The following CPA4 variants were observed in gnomAD, a reference collection of about 807,000 sequenced individuals.
The protein encoded by CPA4 is carboxypeptidase A4.
Under a neutral mutation model 54.7 loss-of-function variants are expected in CPA4, and 49 were observed. The observed-to-expected ratio is 0.90, with a 90% CI of 0.71 to 1.14. The LOEUF (loss-of-function observed/expected upper bound fraction) is 1.14. Among genes scored for constraint, CPA4 ranks in the 50% most tolerant of loss-of-function variants. CPA4 has a pLI of 0.00. For missense variants in CPA4, 487 were observed against 525.1 expected (o/e 0.93, Z 0.71); for synonymous variants, 215 against 206.8 (o/e 1.04, Z -0.34).
chr7:130,312,000 A>T lies in CPA4; in HGVS notation c.994-38A>T. ...CAGCTGAGGAAGGTCAAGCTTCAGG[A>T]TCGATTTTTTCTCACTCCACGGATT... is the stretch of plus-strand genomic sequence containing the variant. On this transcript the variant is annotated intron_variant, in intron 9 of 10. Coordinates refer to ENST00000222482, the MANE Select transcript of CPA4 (RefSeq NM_016352.4). 2.0e-6 allele frequency: 3 copies of T among 1,487,308 alleles called. No individual in the cohort carries two copies. The East Asian group carries it at 6.8e-5, about 34-fold the overall frequency. The allele number at this position is 1,487,308 out of a possible 1,614,324, so 92.1% of individuals were successfully genotyped here.
chr7:130,322,721 A>G lies in CPA4; in HGVS notation c.*45A>G. The G allele has an allele frequency of 6.4e-7, 1 of 1,563,652 alleles. No individual in the cohort carries two copies. On this transcript the variant is annotated 3_prime_UTR_variant, in exon 11 of 11. Transcript: ENST00000222482. Reference sequence around the variant, plus strand: ...TACATTTATTTGTACCCACACGTGCACGCACTGAGGCCATTGTTAAAGGAG... The same window carrying G: ...TACATTTATTTGTACCCACACGTGCGCGCACTGAGGCCATTGTTAAAGGAG...
At chr7:130,303,394 G>A (rs931244507) in intron 4 of CPA4, among the ~76,000 whole-genome samples, 1 of 152,270 alleles carries the variant, frequency 6.6e-6, no homozygotes, top group East Asian at 1.9e-4. Flanking sequence ...ATAGTCCACT[G>A]GGATGAAGGA....
intron 10 of CPA4, among the ~76,000 whole-genome samples, chr7:130,313,381 C>A (rs538229212): frequency 6.6e-6 from 1 of 152,226 alleles, no homozygotes; most frequent in South Asian, 2.1e-4. Context: ...GCTTTTTAGC[C>A]CTTTTTAAAA....
intron 10 of CPA4, among the ~76,000 whole-genome samples, chr7:130,317,704 C>A (rs1218896612): frequency 1.3e-5 from 2 of 152,132 alleles, no homozygotes; most frequent in Admixed American, 6.6e-5. Context: ...TGGGCTCAAG[C>A]AATCTGTCTG....
At chr7:130,313,522 T>C (rs1436891989) in intron 10 of CPA4, among the ~76,000 whole-genome samples, 1 of 151,494 alleles carries the variant, frequency 6.6e-6, no homozygotes, top group African/African-American at 2.4e-5. Flanking sequence ...TAGTTGGTCT[T>C]GGGCTTTTAT....
chr7:130,323,934 TG>T lies in CPA4; in HGVS notation c.*1259del. On this transcript the variant is annotated 3_prime_UTR_variant, in exon 11 of 11. Transcript: ENST00000222482. ...GTGTGTGTGTGTGTGTGTGTGTGTG[TG>T]TTTGTGTGTGTGTGTCTGTCTATTT... 1 of 146,748 alleles carries T rather than the reference TG, an allele frequency of 6.8e-6. No homozygotes were observed. The highest frequency in any genetic ancestry group is 1.5e-5 in the Non-Finnish European group (1 of 66,390). 9.1% of individuals were successfully genotyped at this position (146,748 alleles called of 1,614,324 possible).
At chr7:130,315,247 G>A (rs1793971746) in intron 10 of CPA4, among the ~76,000 whole-genome samples, 1 of 152,112 alleles carries the variant, frequency 6.6e-6, no homozygotes, top group Non-Finnish European at 1.5e-5. Context: ...GGGGAAACGA[G>A]AGGGGTTGGT....
intron 4 of CPA4, among the ~76,000 whole-genome samples, chr7:130,301,118 A>C (rs1793733077): frequency 6.6e-6 from 1 of 152,136 alleles, no homozygotes; most frequent in Non-Finnish European, 1.5e-5. Context: ...CAGCCTGGCT[A>C]TTTCCTCCCT....
At chr7:130,296,889 C>T (rs545219195) in intron 1 of CPA4, among the ~76,000 whole-genome samples, 14 of 151,730 alleles carry the variant, frequency 9.2e-5, no homozygotes, top group Admixed American at 8.5e-4. Context: ...GTGAGTTCAG[C>T]GGACGGGCCC....
rs779886656 is a variant in CPA4, at chr7:130,305,931, G to C, written c.591+11G>C. On this transcript the variant is annotated intron_variant, in intron 6 of 10. Transcript: ENST00000222482. ...TGGACGGCAAGGAAGGTCATGCTGC[G>C]TGGTATTAGCCAGGAATGCTGATGG... 6.2e-7 allele frequency: 1 copy of C among 1,605,494 alleles called. No individual in the cohort carries two copies. Among genetic ancestry groups the C allele is most frequent in the Non-Finnish European group, 8.5e-7 (1 of 1,172,342 alleles).
chr7:130,306,178 C>G, intron 6 of CPA4: 2 of 517,732 alleles, frequency 3.9e-6, no homozygotes, highest in South Asian at 4.3e-5. Flanking sequence ...CAGTCCACTC[C>G]GCAGAAAGGG....
chr7:130,313,462 G>C (rs1339955537), intron 10 of CPA4, among the ~76,000 whole-genome samples: 1 of 152,170 alleles, frequency 6.6e-6, no homozygotes, highest in African/African-American at 2.4e-5. Context: ...TTTTTCAGCT[G>C]TTATAAGATT....
At chr7:130,303,507 TTGTGTGTGTGTC>T (rs1793770826) in intron 4 of CPA4, among the ~76,000 whole-genome samples, 1 of 152,202 alleles carries the variant, frequency 6.6e-6, no homozygotes, top group Admixed American at 6.5e-5. Flanking sequence ...ATTTGTATCA[TTGTGTGTGTGTC>T]TGTGTGTGTG....
chr7:130,300,422 G>A (rs2117135844), intron 3 of CPA4, among the ~76,000 whole-genome samples: 1 of 145,598 alleles, frequency 6.9e-6, no homozygotes, highest in East Asian at 2.0e-4. Flanking sequence ...TGCAACCTCT[G>A]ACTCCCTGGT....
At chr7:130,312,436 G>T (rs1793929712) in intron 10 of CPA4, among the ~76,000 whole-genome samples, 1 of 152,144 alleles carries the variant, frequency 6.6e-6, no homozygotes, top group Non-Finnish European at 1.5e-5. Flanking sequence ...CAAACATTGA[G>T]CCTGGACAAC....
chr7:130,313,302 A>T, intron 10 of CPA4, among the ~76,000 whole-genome samples: 1 of 152,224 alleles, frequency 6.6e-6, no homozygotes, highest in East Asian at 1.9e-4. Context: ...GAGCCCAGGA[A>T]TGGGATGACC....
At chr7:130,300,626 G>T (rs1427072588) in intron 3 of CPA4, among the ~76,000 whole-genome samples, 190 bp from the exon 4 acceptor site, 1 of 151,984 alleles carries the variant, frequency 6.6e-6, no homozygotes, top group Admixed American at 6.6e-5. Flanking sequence ...GAGCCACCCT[G>T]CCCAGCCAAG....
intron 9 of CPA4, among the ~76,000 whole-genome samples, chr7:130,311,245 T>C (rs1243379287): frequency 2.6e-5 from 4 of 152,236 alleles, no homozygotes; most frequent in Non-Finnish European, 2.9e-5. Context: ...TTTTTCTGAC[T>C]GCCATGTATT....
chr7:130,307,677 T>C (rs1308579341), intron 7 of CPA4, among the ~76,000 whole-genome samples: 2 of 150,854 alleles, frequency 1.3e-5, no homozygotes, highest in African/African-American at 2.4e-5. Flanking sequence ...TTTGTTCAAG[T>C]GAGGACCCAG....
Sources: gnomAD v4.1 joint callset for allele counts (sites outside exome capture counted in the v4.1 genomes callset) on GRCh38, gnomAD v4.1.1 for gene constraint, MANE v1.5 for transcripts, NCBI Gene and HGNC (gene_info 2026-07-23, HGNC 2026-07-21) for gene names.